Variants in DIP2B observed in about 807,000 individuals in gnomAD.
The protein encoded by DIP2B is DIP2 acetate--CoA ligase B (putative).
Under a neutral mutation model 198.0 loss-of-function variants are expected in DIP2B, and 76 were observed. The ratio of observed to expected loss-of-function variants is 0.38; its 90% CI spans 0.32 to 0.46. The LOEUF is 0.46. Ranked by LOEUF, DIP2B falls within the 20% of genes least tolerant of loss-of-function variation. DIP2B has a pLI of 0.99. For synonymous variants in DIP2B, 701 were observed against 739.1 expected (o/e 0.95, Z 0.84); for missense variants, 1,559 against 1,978.4 (o/e 0.79, Z 4.02).
chr12:50,592,764 T>G (rs1259085205), intron 1 of DIP2B, among the ~76,000 whole-genome samples: 2 of 152,208 alleles, frequency 1.3e-5, no homozygotes, highest in African/African-American at 4.8e-5. Flanking sequence ...TGTGAGCCAC[T>G]GCACCCGGCC....
At chr12:50,514,294 A>G (rs528948833) in intron 1 of DIP2B, among the ~76,000 whole-genome samples, 3 of 151,908 alleles carry the variant, frequency 2.0e-5, no homozygotes, top group South Asian at 2.1e-4. Flanking sequence ...CGAACTCCCA[A>G]CCTCAGGTGA....
chr12:50,701,022 T>C (rs1226593723), intron 19 of DIP2B, among the ~76,000 whole-genome samples: 4 of 152,136 alleles, frequency 2.6e-5, no homozygotes, highest in Non-Finnish European at 5.9e-5. Context: ...TTTTTCTTCA[T>C]TGACTTTTCC....
In DIP2B at chr12:50,728,623, G is replaced by GCC; in HGVS notation, c.3587_3588dup (p.Ile1197ProfsTer28). On this transcript the variant is annotated frameshift_variant, in exon 30 of 38. Transcript: ENST00000301180. LOFTEE classifies it high-confidence loss of function. ...TGAGTTGTACTCTTCTCGGCAGATC[G>GCC]CCATCTGCCTTGACCCTTACTGTGG... The GCC allele has an allele frequency of 6.2e-7, 1 of 1,614,090 alleles. No individual in the cohort carries two copies. The highest frequency in any genetic ancestry group is 8.5e-7 in the Non-Finnish European group (1 of 1,180,006).
At chr12:50,744,293 C>T (rs1184821266) in intron 37 of DIP2B, among the ~76,000 whole-genome samples, 13 of 152,278 alleles carry the variant, frequency 8.5e-5, no homozygotes, top group South Asian at 2.1e-4. Context: ...TGAGCCACCG[C>T]GCCTGGCCTG....
intron 1 of DIP2B, among the ~76,000 whole-genome samples, chr12:50,538,990 A>G (rs1406552683): frequency 6.6e-6 from 1 of 152,148 alleles, no homozygotes; most frequent in Non-Finnish European, 1.5e-5. Context: ...TGTATTTTTT[A>G]AAAACTTGGA....
chr12:50,509,162 A>G (rs1957993342), intron 1 of DIP2B, among the ~76,000 whole-genome samples: 1 of 152,198 alleles, frequency 6.6e-6, no homozygotes, highest in Non-Finnish European at 1.5e-5. Context: ...CAGGGAAATC[A>G]TTGAAAACTG....
chr12:50,615,827 A>G (rs1269932633), intron 1 of DIP2B, among the ~76,000 whole-genome samples: 1 of 152,144 alleles, frequency 6.6e-6, no homozygotes, highest in Admixed American at 6.6e-5. Context: ...AAAACAGCAA[A>G]CTCAGCGTTC....
intron 1 of DIP2B, among the ~76,000 whole-genome samples, chr12:50,623,743 A>G (rs1469814020): frequency 2.0e-5 from 3 of 152,174 alleles, no homozygotes; most frequent in African/African-American, 7.2e-5. Context: ...TATTTGGATT[A>G]CTTGCCCATT....
chr12:50,733,256 T>C (rs1212760671), intron 32 of DIP2B, among the ~76,000 whole-genome samples: 2 of 1,022 alleles, frequency 2.0e-3, no homozygotes, highest in African/African-American at 2.0e-3. Context: ...TTTTCTTTCT[T>C]TTTTTTTTTT....
At position 50,728,644 on chromosome 12, in the gene DIP2B, T is replaced by C; in HGVS notation, c.3607T>C (p.Cys1203Arg). 1 of 1,614,136 alleles carries C rather than the reference T, an allele frequency of 6.2e-7. No homozygotes were observed. ...GATCGCCATCTGCCTTGACCCTTAC[T>C]GTGGACTTGGCTTCGCGCTCTGGTG... The part of the protein sequence containing the change: ...RQIAICLDPY[C>R]GLGFALWCLC... Residue 1203 changes from cysteine (C) to arginine (R), a missense_variant, in exon 30 of 38, where the codon TGT becomes CGT. Coordinates refer to ENST00000301180, the MANE Select transcript of DIP2B (RefSeq NM_173602.3).
chr12:50,551,447 G>A (rs1371106420), intron 1 of DIP2B, among the ~76,000 whole-genome samples: 1 of 152,046 alleles, frequency 6.6e-6, no homozygotes, highest in Non-Finnish European at 1.5e-5. Flanking sequence ...GTGTGTGTGT[G>A]TATGTGTGTA....
intron 1 of DIP2B, among the ~76,000 whole-genome samples, chr12:50,544,610 A>AATC (rs1254217607): frequency 6.9e-6 from 1 of 144,150 alleles, no homozygotes; most frequent in African/African-American, 2.6e-5. Context: ...CTGGCCTCAG[A>AATC]TAACTTTCTT....
intron 2 of DIP2B, among the ~76,000 whole-genome samples, chr12:50,627,966 C>T (rs1245110469): frequency 6.6e-6 from 1 of 152,204 alleles, no homozygotes; most frequent in Non-Finnish European, 1.5e-5. Flanking sequence ...GATCCCAACC[C>T]CTCCTCCTTT....
intron 34 of DIP2B, among the ~76,000 whole-genome samples, chr12:50,736,159 C>A (rs1236478760): frequency 6.6e-6 from 1 of 152,122 alleles, no homozygotes; most frequent in Non-Finnish European, 1.5e-5. Flanking sequence ...TGTATCACCC[C>A]ATGGGGCGCT....
At chr12:50,742,394 C>CAAAAAAAAAAAAAAAAAAAAAAAAAAA (rs59566626) in intron 37 of DIP2B, among the ~76,000 whole-genome samples, 1 of 47,478 alleles carries the variant, frequency 2.1e-5, no homozygotes, top group Non-Finnish European at 3.4e-5. Flanking sequence ...GAGACTGTCT[C>CAAAAAAAAAAAAAAAAAAAAAAAAAAA]AAAAAAAAAA....
At chr12:50,544,966 CTG>C (rs1274631232) in intron 1 of DIP2B, among the ~76,000 whole-genome samples, 1 of 152,088 alleles carries the variant, frequency 6.6e-6, no homozygotes, top group African/African-American at 2.4e-5. Context: ...TTTCTTATGA[CTG>C]TAATACTAGC....
rs535098626 is a variant in DIP2B, at chr12:50,505,254, C to T, written c.100+14C>T. ...AGCTCTCGGAGGGTAGGAGCCGGGC[C>T]GGGGAGAGGGCGCCCGGGGCCCTGC... On this transcript the variant is annotated intron_variant, in intron 1 of 37. Coordinates refer to ENST00000301180, the MANE Select transcript of DIP2B (RefSeq NM_173602.3). The T allele has an allele frequency of 4.0e-3, 5,887 of 1,489,988 alleles. 22 individuals are homozygous for T. The highest frequency in any genetic ancestry group is 4.6e-3 in the Non-Finnish European group (5,224 of 1,127,396). The allele number at this position is 1,489,988 out of a possible 1,614,324, so 92.3% of individuals were successfully genotyped here.
chr12:50,671,651 A>C (rs1938857049), intron 5 of DIP2B, among the ~76,000 whole-genome samples: 1 of 152,234 alleles, frequency 6.6e-6, no homozygotes, highest in African/African-American at 2.4e-5. Context: ...AGCAATGCTC[A>C]AGCTGCAAGA....
At chr12:50,540,538 A>T (rs1016710729) in intron 1 of DIP2B, among the ~76,000 whole-genome samples, 89 of 149,634 alleles carry the variant, frequency 5.9e-4, no homozygotes, top group African/African-American at 2.1e-3. Flanking sequence ...CATTATGATT[A>T]AAAAAATTCT....
Sources: gnomAD v4.1 joint callset for allele counts (sites outside exome capture counted in the v4.1 genomes callset) on GRCh38, gnomAD v4.1.1 for gene constraint, MANE v1.5 for transcripts, NCBI Gene and HGNC (gene_info 2026-07-23, HGNC 2026-07-21) for gene names.